Variants in CFAP299 observed in about 807,000 individuals in gnomAD.
The protein encoded by CFAP299 is cilia- and flagella-associated protein 299.
In CFAP299, 21 loss-of-function variants were observed where a neutral mutation model predicts 27.0. The observed-to-expected ratio is 0.78, with a 90% CI of 0.55 to 1.12. CFAP299 has a LOEUF of 1.12. Ranked by LOEUF, CFAP299 falls within the 50% of genes most tolerant of loss-of-function variation. The pLI, the probability that CFAP299 is intolerant of heterozygous loss-of-function variation, is 0.00. For synonymous variants in CFAP299, 104 were observed against 98.1 expected (o/e 1.06, Z -0.36); for missense variants, 310 against 276.6 (o/e 1.12, Z -0.86).
intron 2 of CFAP299, among the ~76,000 whole-genome samples, chr4:80,429,459 T>C (rs1727701007): frequency 6.6e-6 from 1 of 152,190 alleles, no homozygotes; most frequent in African/African-American, 2.4e-5. Context: ...TAATGACACA[T>C]TTCTGTTGCA....
At chr4:80,650,570 G>A (rs1052058386) in intron 3 of CFAP299, among the ~76,000 whole-genome samples, 2 of 152,020 alleles carry the variant, frequency 1.3e-5, no homozygotes, top group East Asian at 3.9e-4. Flanking sequence ...GTAACCATGG[G>A]GATGAACTAC....
At chr4:80,766,493 C>T (rs753617455) in intron 3 of CFAP299, among the ~76,000 whole-genome samples, 20 of 152,150 alleles carry the variant, frequency 1.3e-4, no homozygotes, top group Non-Finnish European at 2.2e-4. Flanking sequence ...GAGATAGCTG[C>T]GAATAATACA....
intron 2 of CFAP299, among the ~76,000 whole-genome samples, chr4:80,560,063 A>G (rs1734965664): frequency 6.6e-6 from 1 of 152,056 alleles, no homozygotes; most frequent in Non-Finnish European, 1.5e-5. Flanking sequence ...ACTCCAAAAA[A>G]GACCCCTTCC....
At chr4:80,604,845 A>T (rs1166616995) in intron 3 of CFAP299, among the ~76,000 whole-genome samples, 1 of 151,532 alleles carries the variant, frequency 6.6e-6, no homozygotes, top group East Asian at 1.9e-4. Context: ...GATAGATATT[A>T]ATGACTTTGT....
intron 2 of CFAP299, among the ~76,000 whole-genome samples, chr4:80,509,586 T>C (rs1732196617): frequency 6.6e-6 from 1 of 152,178 alleles, no homozygotes. Context: ...CTTATAAAAT[T>C]GCTTATTTCT....
At position 80,797,813 on chromosome 4, in the gene CFAP299, C is replaced by T. The variant is rs1010637914; in HGVS notation, c.334-72180C>T. 2.0e-5 allele frequency among the ~76,000 whole-genome samples: 3 copies of T among 152,162 alleles called. No individual in the cohort carries two copies. The South Asian group carries it at 6.2e-4, about 32-fold the overall frequency. On this transcript the variant is annotated intron_variant, in intron 3 of 5. Transcript: ENST00000358105. ...GACTAATCCACTCCACCATCCCAAT[C>T]TCCCCAAGCCTCTGGATCCCTTCCT...
chr4:80,329,208 C>CACACACATAT, the CFAP299 span, among the ~76,000 whole-genome samples: 1 of 136,042 alleles, frequency 7.4e-6, no homozygotes, highest in Non-Finnish European at 1.5e-5. Flanking sequence ...ACACTGTATA[C>CACACACATAT]ATATATATAT....
rs183760733 is a variant in CFAP299 at position 80,584,666 on chromosome 4, C to G, written c.333+1483C>G. Among the ~76,000 whole-genome samples, 171 of 152,176 alleles carry G rather than the reference C, an allele frequency of 1.1e-3. 1 individual carries two copies. Among genetic ancestry groups the G allele is most frequent in the Middle Eastern group, 3.4e-3 (1 of 294 alleles). The stretch of plus-strand genomic sequence containing the variant: ...TCTTATACCTCCAGTTGACCTGTAT[C>G]TCTTCTACTATACACATTTTCCCTT... On this transcript the variant is annotated intron_variant, in intron 3 of 5. Coordinates refer to ENST00000358105, the MANE Select transcript of CFAP299 (RefSeq NM_152770.3).
chr4:80,866,093 ATATC>A (rs1290909217), intron 3 of CFAP299, among the ~76,000 whole-genome samples: 14 of 127,268 alleles, frequency 1.1e-4, no homozygotes, highest in African/African-American at 3.3e-4. Flanking sequence ...ATATATATAT[ATATC>A]TTCCCAAATC....
chr4:80,840,733 AT>A (rs1730819298), intron 3 of CFAP299, among the ~76,000 whole-genome samples: 1 of 152,088 alleles, frequency 6.6e-6, no homozygotes, highest in Admixed American at 6.6e-5. Flanking sequence ...AGATGATCTT[AT>A]TTTTATTTCA....
At chr4:80,395,979 T>C (rs1725763466) in intron 2 of CFAP299, among the ~76,000 whole-genome samples, 1 of 152,136 alleles carries the variant, frequency 6.6e-6, no homozygotes, top group South Asian at 2.1e-4. Context: ...ACAATGTCTT[T>C]CTCTCCTTTC....
In CFAP299 at chr4:80,545,860, A is replaced by C. The variant is rs1290971157; in HGVS notation, c.243-37233A>C. Among the ~76,000 whole-genome samples the C allele has an allele frequency of 3.9e-5, 6 of 152,196 alleles. No individual in the cohort carries two copies. The East Asian group carries it at 1.2e-3, about 29-fold the overall frequency. On this transcript the variant is annotated intron_variant, in intron 2 of 5. Coordinates refer to ENST00000358105, the MANE Select transcript of CFAP299 (RefSeq NM_152770.3). Reference sequence around the variant, plus strand: ...CAAAAATGCTCAACAAAATACGATTAATAGTAAACTGAATCCAGCAGCACA... The same window carrying C: ...CAAAAATGCTCAACAAAATACGATTCATAGTAAACTGAATCCAGCAGCACA...
intron 3 of CFAP299, among the ~76,000 whole-genome samples, chr4:80,646,965 C>A (rs1357715717): frequency 1.4e-5 from 2 of 147,816 alleles, no homozygotes; most frequent in African/African-American, 5.2e-5. Context: ...TTTTCCAATT[C>A]TTTGAGAGAG....
intron 3 of CFAP299, among the ~76,000 whole-genome samples, chr4:80,735,098 C>CT (rs1197649369): frequency 5.3e-5 from 8 of 152,116 alleles, no homozygotes; most frequent in African/African-American, 1.4e-4. Context: ...AATATCTTTC[C>CT]TTTTTTGTGT....
chr4:80,932,078 A>G lies in CFAP299; in HGVS notation c.477-12732A>G, dbSNP rs551785802. ...AATTAGCAAAGTCCAGCCATGAGAA[A>G]AATCATCTTAAAATATAGACTGAAT... On this transcript the variant is annotated intron_variant, in intron 4 of 5. Transcript: ENST00000358105. Among the ~76,000 whole-genome samples the G allele has an allele frequency of 5.3e-5, 8 of 152,258 alleles. No homozygotes were observed. The East Asian group carries it at 1.5e-3, about 29-fold the overall frequency.
At chr4:80,916,428 T>C (rs1216819427) in intron 4 of CFAP299, among the ~76,000 whole-genome samples, 1 of 151,622 alleles carries the variant, frequency 6.6e-6, no homozygotes, top group Non-Finnish European at 1.5e-5. Flanking sequence ...CCCTTTGTCT[T>C]GAAATGTAGA....
Position 80,791,735 on chromosome 4 carries a change from A to C in CFAP299, c.334-78258A>C, listed in dbSNP as rs147127487. 9.3e-3 allele frequency among the ~76,000 whole-genome samples: 1,413 copies of C among 152,058 alleles called. 18 individuals are homozygous for C. Among genetic ancestry groups the C allele is most frequent in the South Asian group, 0.06 (288 of 4,824 alleles). The stretch of plus-strand genomic sequence containing the variant: ...AGAGCAATGAGTGAAGATTTCAGAG[A>C]GTTAACCTGTATTTTTACCTGAAGA... On this transcript the variant is annotated intron_variant, in intron 3 of 5. Coordinates refer to ENST00000358105, the MANE Select transcript of CFAP299 (RefSeq NM_152770.3).
intron 4 of CFAP299, among the ~76,000 whole-genome samples, chr4:80,940,626 A>G (rs1737145094): frequency 6.6e-6 from 1 of 152,140 alleles, no homozygotes; most frequent in Non-Finnish European, 1.5e-5. Context: ...GGAGTCTCTT[A>G]TTCCATTATC....
At chr4:80,678,933 C>T (rs1719649356) in intron 3 of CFAP299, among the ~76,000 whole-genome samples, 1 of 152,018 alleles carries the variant, frequency 6.6e-6, no homozygotes. Context: ...GCTCAGTTTT[C>T]ACAAGTTGCT....
Sources: gnomAD v4.1 joint callset for allele counts (sites outside exome capture counted in the v4.1 genomes callset) on GRCh38, gnomAD v4.1.1 for gene constraint, MANE v1.5 for transcripts, NCBI Gene and HGNC (gene_info 2026-07-23, HGNC 2026-07-21) for gene names.